SAFB: variants seen among roughly 807,000 people sequenced by gnomAD.
SAFB encodes scaffold attachment factor B1.
Under a neutral mutation model 101.6 loss-of-function variants are expected in SAFB, and 15 were observed. The observed-to-expected ratio is 0.15, with a 90% CI of 0.10 to 0.23. The LOEUF (loss-of-function observed/expected upper bound fraction) is 0.23. SAFB is among the 10% of genes least tolerant of loss of function. SAFB has a pLI of 1.00. For synonymous variants in SAFB, 449 were observed against 407.5 expected, an observed-to-expected ratio of 1.10 and a Z score of -1.23; for missense variants, 930 against 1,104.1, an observed-to-expected ratio of 0.84 and a Z score of 2.23.
chr19:5,649,454 C>T lies in SAFB; in HGVS notation c.1103C>T (p.Ala368Val). 2.0e-6 allele frequency: 1 copy of T among 499,788 alleles called. No individual in the cohort carries two copies. The highest frequency in any genetic ancestry group is 2.4e-5 in the South Asian group (1 of 42,264). The allele number at this position is 499,788 out of a possible 1,614,324, so 31.0% of individuals were successfully genotyped here. The change falls in exon 7 of 21, where the codon GCT becomes GTT. Residue 368 changes from alanine (A) to valine (V), a missense_variant. Transcript: ENST00000588852. ...DFDACNEVPP[A>V]PKESSTSEGA... Reference sequence around the variant, plus strand: ...GACGCTTGTAATGAAGTCCCTCCGGCTCCTAAAGAGTCCTCAACCAGTGAG... The same window carrying T: ...GACGCTTGTAATGAAGTCCCTCCGGTTCCTAAAGAGTCCTCAACCAGTGAG...
At position 5,667,103 on chromosome 19, in the gene SAFB, TG is replaced by T; in HGVS notation, c.2399del (p.Gly800AlafsTer8). ...CCACGGCCGGGACTCCCGCGATGGC[TG>T]GGGGGGCTATGGCTCTGACAAGAGG... ...ERHGRDSRDG[W>X]GGYGSDKRMS... On this transcript the variant is annotated frameshift_variant, in exon 18 of 21. Coordinates refer to ENST00000588852, the MANE Select transcript of SAFB (RefSeq NM_001201338.2). LOFTEE classifies it high-confidence loss of function. This position sits in a 1 kb window ranked among gnomAD's most constrained non-coding sequence, Gnocchi z 4.0. 1 of 1,612,204 alleles carries T rather than the reference TG, an allele frequency of 6.2e-7. No individual in the cohort carries two copies. The highest frequency in any genetic ancestry group is 8.5e-7 in the Non-Finnish European group (1 of 1,179,336).
intron 9 of SAFB, among the ~76,000 whole-genome samples, chr19:5,651,372 G>A (rs150700342): frequency 2.4e-4 from 36 of 152,274 alleles, no homozygotes; most frequent in African/African-American, 8.4e-4. Context: ...TGCCAGGGTT[G>A]GCTGGTGGGG....
At chr19:5,623,423 AGGGT>A (rs749695756) in intron 1 of SAFB, 29 bp downstream of exon 1, 3 of 1,602,826 alleles carry the variant, frequency 1.9e-6, no homozygotes, top group Non-Finnish European at 2.6e-6. Flanking sequence ...GGGCGGGCAC[AGGGT>A]GGGTCTGGGG....
chr19:5,649,863 T>C (rs2053897429), intron 7 of SAFB, 63 bp from the exon 8 acceptor site: 1 of 1,456,164 alleles, frequency 6.9e-7, no homozygotes. Context: ...ACGAATTTTA[T>C]GGTTTTGAGT....
Position 5,668,306 on chromosome 19 carries a change from G to A in SAFB, c.*15G>A. ...GCCGCTACTGAGTACTTGGAATCCT[G>A]TGTCCTGTCTCGTGGCAACAAGGCT... is the stretch of plus-strand genomic sequence containing the variant. On this transcript the variant is annotated 3_prime_UTR_variant, in exon 21 of 21. Coordinates refer to ENST00000588852, the MANE Select transcript of SAFB (RefSeq NM_001201338.2). The A allele has an allele frequency of 6.2e-7, 1 of 1,608,646 alleles. No homozygotes were observed. The highest frequency in any genetic ancestry group is 8.5e-7 in the Non-Finnish European group (1 of 1,178,852).
chr19:5,642,616 C>T lies in SAFB; in HGVS notation c.546+670C>T, dbSNP rs189377141. On this transcript the variant is annotated intron_variant, in intron 4 of 20. Transcript: ENST00000588852. The stretch of plus-strand genomic sequence containing the variant: ...TATAGTGGGTAGTATTTCCTGAATA[C>T]TACCTACCAGGCATTGGCATTATGC... Among the ~76,000 whole-genome samples the T allele has an allele frequency of 2.4e-3, 344 of 146,370 alleles. 3 individuals are homozygous for T. The South Asian group carries it at 0.03, about 13-fold the overall frequency.
Position 5,641,768 on chromosome 19 carries a change from T to G in SAFB, c.368T>G (p.Leu123Trp). ...GATGTTGAGACCAGTCTGGAGAACT[T>G]GCAGGACATCGACATCATGGATATC... is the stretch of plus-strand genomic sequence containing the variant. ...QEDVETSLENLQDIDIMDISV... is the reference protein window; with the variant it reads ...QEDVETSLENWQDIDIMDISV... The change falls in exon 4 of 21, where the codon TTG (leucine) becomes TGG (tryptophan). Residue 123 changes from leucine (L) to tryptophan (W), a missense_variant. Around this residue, in one of 7 missense-constraint regions of SAFB, gnomAD observed 119 missense variants for 171.4 expected, o/e 0.69. Coordinates refer to ENST00000588852, the MANE Select transcript of SAFB (RefSeq NM_001201338.2). 3.1e-6 allele frequency: 5 copies of G among 1,614,100 alleles called. No individual in the cohort carries two copies. The highest frequency in any genetic ancestry group is 4.2e-6 in the Non-Finnish European group (5 of 1,180,020).
Position 5,641,905 on chromosome 19 carries a change from G to T in SAFB, c.505G>T (p.Gly169Trp). 6.2e-7 allele frequency: 1 copy of T among 1,614,194 alleles called. No homozygotes were observed. Among genetic ancestry groups the T allele is most frequent in the Non-Finnish European group, 8.5e-7 (1 of 1,180,032 alleles). The change falls in exon 4 of 21, where the codon GGG becomes TGG. Residue 169 changes from glycine (G) to tryptophan (W), a missense_variant. This residue lies in a region of SAFB where 130 missense variants were observed against 114.2 expected (regional missense o/e 1.14). Transcript: ENST00000588852. The stretch of plus-strand genomic sequence containing the variant: ...GTCGGATAGTAGAGAGCTAGTCGAG[G>T]GGGAAATGAAAGAGCTTCCGGAGCA... ...SLSDSRELVE[G>W]EMKELPEQLQ...
intron 14 of SAFB, among the ~76,000 whole-genome samples, chr19:5,657,758 C>G (rs1057412551): frequency 6.6e-6 from 1 of 152,016 alleles, no homozygotes; most frequent in Admixed American, 6.6e-5. Flanking sequence ...CTCCTGACCT[C>G]AGGTGATCCA....
Position 5,649,973 on chromosome 19 carries a change from A to G in SAFB, c.1196A>G (p.Lys399Arg). Reference protein sequence around the residue: ...SDTKRLSKEEKGRSSCGRNFW... With the variant: ...SDTKRLSKEERGRSSCGRNFW... ...ACAAAAAGGCTTTCCAAAGAGGAAA[A>G]GGGTAGGTCACCTCGGCGACACCAG... Residue 399 changes from lysine (K) to arginine (R), a missense_variant and splice_region_variant, in exon 8 of 21, where the codon AAG (lysine) becomes AGG (arginine). Coordinates refer to ENST00000588852, the MANE Select transcript of SAFB (RefSeq NM_001201338.2). 1 of 1,613,390 alleles carries G rather than the reference A, an allele frequency of 6.2e-7. No individual in the cohort carries two copies. The highest frequency in any genetic ancestry group is 1.1e-5 in the South Asian group (1 of 91,068).
At chr19:5,623,721 G>A (rs2053256641) in intron 1 of SAFB, among the ~76,000 whole-genome samples, 1 of 152,078 alleles carries the variant, frequency 6.6e-6, no homozygotes, top group African/African-American at 2.4e-5. Context: ...GGGAGACCCT[G>A]AAACCCTCAC....
chr19:5,629,733 TG>T, intron 2 of SAFB, among the ~76,000 whole-genome samples: 1 of 152,344 alleles, frequency 6.6e-6, no homozygotes, highest in Non-Finnish European at 1.5e-5. Flanking sequence ...TCCAAGGATA[TG>T]GCCCTTTATT....
chr19:5,641,015 C>T (rs1467573580), intron 2 of SAFB, among the ~76,000 whole-genome samples: 1 of 151,648 alleles, frequency 6.6e-6, no homozygotes, highest in Non-Finnish European at 1.5e-5. Context: ...GTGCAACCTC[C>T]GCCTCCTGGG....
intron 13 of SAFB, among the ~76,000 whole-genome samples, chr19:5,656,921 C>T (rs1173663506): frequency 6.6e-6 from 1 of 152,078 alleles, no homozygotes; most frequent in Non-Finnish European, 1.5e-5. Context: ...CAAGCTCCCA[C>T]CACTATGCCC....
At chr19:5,648,449 AC>A (rs1164435178) in intron 6 of SAFB, 227 of 280,628 alleles carry the variant, frequency 8.1e-4, no homozygotes, top group Middle Eastern at 5.0e-3. Context: ...GTAGGGAGAT[AC>A]ATTTTAAAAC....
At chr19:5,624,905 G>A (rs763463227) in intron 1 of SAFB, among the ~76,000 whole-genome samples, 48 of 152,168 alleles carry the variant, frequency 3.2e-4, no homozygotes, top group Middle Eastern at 3.4e-3. Flanking sequence ...GTGGTGCCCC[G>A]CCACCAGGGC....
chr19:5,668,417 T>G lies in SAFB; in HGVS notation c.*126T>G. 1 of 1,128,440 alleles carries G rather than the reference T, an allele frequency of 8.9e-7. No individual in the cohort carries two copies. The highest frequency in any genetic ancestry group is 1.2e-6 in the Non-Finnish European group (1 of 825,484). 69.9% of individuals were successfully genotyped at this position (1,128,440 alleles called of 1,614,324 possible). On this transcript the variant is annotated 3_prime_UTR_variant, in exon 21 of 21. Transcript: ENST00000588852. ...ATTGTAGCTCAATACAATGTGAATT[T>G]GTTTTTCGTTTTGGGGTTTTTTTTT... is the stretch of plus-strand genomic sequence containing the variant.
In SAFB at chr19:5,645,870, T is replaced by TTTTTG. The variant is rs566926543; in HGVS notation, c.609+491_609+495dup. On this transcript the variant is annotated intron_variant, in intron 5 of 20. Transcript: ENST00000588852. Reference sequence around the variant, plus strand: ...TTCTGGTCTTGTCTTTGGGAAGTTTTTTTTGTTTTGTTTTGTTTTGTTTTT... The same window carrying TTTTTG: ...TTCTGGTCTTGTCTTTGGGAAGTTTTTTTTGTTTTGTTTTGTTTTGTTTTGTTTTT... 5.6e-3 allele frequency among the ~76,000 whole-genome samples: 859 copies of TTTTTG among 152,224 alleles called. 33 individuals carry two copies. The highest frequency in any genetic ancestry group is 0.05 in the Admixed American group (767 of 15,264).
intron 13 of SAFB, among the ~76,000 whole-genome samples, chr19:5,655,754 C>G (rs2054045407): frequency 6.6e-6 from 1 of 152,158 alleles, no homozygotes; most frequent in South Asian, 2.1e-4. Flanking sequence ...GCCTTTTACC[C>G]TTGTTCTATA....
Sources: allele counts gnomAD v4.1 joint callset (sites outside exome capture counted in the v4.1 genomes callset), GRCh38; gene constraint gnomAD v4.1.1; regional missense constraint gnomAD v4.1.1; non-coding constraint Gnocchi (gnomAD v3.1); transcripts MANE v1.5; gene names NCBI Gene and HGNC (gene_info 2026-07-23, HGNC 2026-07-21).